The following NEGR1 variants were observed in gnomAD, a reference collection of about 807,000 sequenced individuals.
NEGR1 encodes the protein IgLON family member 4.
In NEGR1, 10 loss-of-function variants were observed where a neutral mutation model predicts 40.9. The ratio of observed to expected loss-of-function variants is 0.24; its 90% CI spans 0.15 to 0.42. NEGR1 has a LOEUF of 0.42. Ranked by LOEUF, NEGR1 falls within the 10% of genes least tolerant of loss-of-function variation. The probability of loss-of-function intolerance (pLI) is 1.00; values close to 1 mark genes in which losing one functional copy is unlikely to be tolerated. For synonymous variants in NEGR1, 185 were observed against 166.8 expected, an observed-to-expected ratio of 1.11 and a Z score of -0.84; for missense variants, 352 against 438.9, an observed-to-expected ratio of 0.80 and a Z score of 1.77.
chr1:72,157,479 C>G (rs181230181), intron 1 of NEGR1, among the ~76,000 whole-genome samples: 1 of 152,148 alleles, frequency 6.6e-6, no homozygotes, highest in Admixed American at 6.6e-5. Flanking sequence ...TTTTGTAACT[C>G]TCACATATAT....
chr1:71,466,052 T>C (rs765420640), intron 6 of NEGR1, among the ~76,000 whole-genome samples: 1 of 152,032 alleles, frequency 6.6e-6, no homozygotes, highest in Non-Finnish European at 1.5e-5. Context: ...GATTCCTCCA[T>C]TTCCTAGATG....
chr1:72,162,844 A>G (rs1459651539), intron 1 of NEGR1, among the ~76,000 whole-genome samples: 2 of 152,120 alleles, frequency 1.3e-5, no homozygotes, highest in East Asian at 3.8e-4. Context: ...TTAAACAACA[A>G]ATACTTTTTT....
intron 1 of NEGR1, among the ~76,000 whole-genome samples, chr1:72,226,417 A>G (rs557814014): frequency 5.7e-4 from 87 of 152,156 alleles, no homozygotes; most frequent in African/African-American, 1.9e-3. Flanking sequence ...TAGAGGACAT[A>G]TACCTACTTT....
At chr1:72,105,138 C>T (rs1013893742) in intron 1 of NEGR1, among the ~76,000 whole-genome samples, 1 of 152,096 alleles carries the variant, frequency 6.6e-6, no homozygotes, top group African/African-American at 2.4e-5. Flanking sequence ...TAAATTCAAT[C>T]TTTCCTGCCT....
chr1:72,032,883 G>A (rs1423045512), intron 1 of NEGR1, among the ~76,000 whole-genome samples: 1 of 151,966 alleles, frequency 6.6e-6, no homozygotes, highest in African/African-American at 2.4e-5. Context: ...TAATGATAGA[G>A]CCTATCTTAT....
chr1:71,803,224 T>C (rs370404879), intron 2 of NEGR1, among the ~76,000 whole-genome samples: 1 of 152,106 alleles, frequency 6.6e-6, no homozygotes, highest in East Asian at 1.9e-4. Context: ...GAGCTGTCTT[T>C]CTTTCTGCAT....
chr1:72,232,159 G>C (rs1470858862), intron 1 of NEGR1, among the ~76,000 whole-genome samples: 1 of 152,010 alleles, frequency 6.6e-6, no homozygotes, highest in African/African-American at 2.4e-5. Context: ...TTCGAGACCA[G>C]CTTGGCCGAT....
intron 4 of NEGR1, among the ~76,000 whole-genome samples, chr1:71,672,401 C>A (rs544906056): frequency 6.6e-6 from 1 of 152,268 alleles, no homozygotes; most frequent in East Asian, 1.9e-4. Flanking sequence ...CAAAGATTAT[C>A]TATTGTATTC....
intron 4 of NEGR1, among the ~76,000 whole-genome samples, chr1:71,612,397 T>C (rs999147199): frequency 6.6e-6 from 1 of 152,194 alleles, no homozygotes; most frequent in Non-Finnish European, 1.5e-5. Flanking sequence ...AAAAGCTTTT[T>C]TTGTAGCATA....
rs778174980 is a variant in NEGR1 at position 72,133,735 on chromosome 1, AT to A, written c.176+148583del. On this transcript the variant is annotated intron_variant, in intron 1 of 6. Transcript: ENST00000357731. ...TTAGCACATAAGTAGCAAAAAAAGA[AT>A]GTCATCAGCTTAAACTTTTGTAGTT... 5.3e-5 allele frequency among the ~76,000 whole-genome samples: 8 copies of A among 151,826 alleles called. No individual in the cohort carries two copies. In the East Asian group the frequency reaches 1.4e-3, roughly 26 times the overall value.
chr1:72,245,990 T>C (rs1195518192), intron 1 of NEGR1, among the ~76,000 whole-genome samples: 1 of 152,168 alleles, frequency 6.6e-6, no homozygotes, highest in Non-Finnish European at 1.5e-5. Context: ...ATATTAATTA[T>C]TTAATACTCT....
intron 6 of NEGR1, among the ~76,000 whole-genome samples, chr1:71,451,643 C>T (rs552265884): frequency 2.0e-5 from 3 of 152,252 alleles, no homozygotes; most frequent in South Asian, 2.1e-4. Context: ...ACTTACTCCA[C>T]AGGGACTAGC....
chr1:71,574,265 C>A (rs371320612), intron 6 of NEGR1, among the ~76,000 whole-genome samples: 15 of 152,292 alleles, frequency 9.8e-5, no homozygotes, highest in Admixed American at 8.5e-4. Context: ...AACATGTTGA[C>A]TTTCTGCCTA....
At chr1:72,076,517 C>A (rs540428999) in intron 1 of NEGR1, among the ~76,000 whole-genome samples, 4 of 146,870 alleles carry the variant, frequency 2.7e-5, no homozygotes, top group African/African-American at 4.9e-5. Flanking sequence ...CCCCACCCCC[C>A]CTGCCTCACC....
At position 71,430,994 on chromosome 1, in the gene NEGR1, A is replaced by G. The variant is rs551770850; in HGVS notation, c.941-23424T>C. ...GATCTCCTGACCTCGTGATCCGCCC[A>G]CCTCGGCCTCCCAAAGTGCTGGGAT... On this transcript the variant is annotated intron_variant, in intron 6 of 6. Coordinates refer to ENST00000357731, the MANE Select transcript of NEGR1 (RefSeq NM_173808.3). Among the ~76,000 whole-genome samples, 265 of 151,326 alleles carry G rather than the reference A, an allele frequency of 1.8e-3. 5 individuals carry two copies. Among genetic ancestry groups the G allele is most frequent in the Middle Eastern group, 7.0e-3 (2 of 286 alleles).
intron 1 of NEGR1, among the ~76,000 whole-genome samples, chr1:72,188,559 T>A (rs564048990): frequency 6.6e-6 from 1 of 151,674 alleles, no homozygotes; most frequent in African/African-American, 2.4e-5. Context: ...TCTCAGATAG[T>A]GCTTATAACC....
At chr1:71,887,201 T>C (rs1385995942) in intron 2 of NEGR1, among the ~76,000 whole-genome samples, 3 of 152,204 alleles carry the variant, frequency 2.0e-5, no homozygotes, top group East Asian at 3.9e-4. Flanking sequence ...ATCATAAAAA[T>C]CTTCATCCTT....
At chr1:71,950,176 A>G (rs148735848) in intron 1 of NEGR1, among the ~76,000 whole-genome samples, 1 of 152,090 alleles carries the variant, frequency 6.6e-6, no homozygotes, top group African/African-American at 2.4e-5. Context: ...ATTCCTGTTT[A>G]TGTAGTTCAG....
At chr1:72,019,246 T>A (rs1421015390) in intron 1 of NEGR1, among the ~76,000 whole-genome samples, 1 of 152,170 alleles carries the variant, frequency 6.6e-6, no homozygotes, top group Non-Finnish European at 1.5e-5. Flanking sequence ...CTTAAAATAG[T>A]ATGGTAAAAT....
Sources: allele counts gnomAD v4.1 joint callset (sites outside exome capture counted in the v4.1 genomes callset), GRCh38; gene constraint gnomAD v4.1.1; transcripts MANE v1.5; gene names NCBI Gene and HGNC (gene_info 2026-07-23, HGNC 2026-07-21).